SLC2A5: variants seen among roughly 807,000 people sequenced by gnomAD.
SLC2A5 encodes the protein solute carrier family 2, facilitated glucose transporter member 5.
Under a neutral mutation model 50.3 loss-of-function variants are expected in SLC2A5, and 56 were observed. That is an observed-to-expected ratio of 1.11 (90% CI 0.90 to 1.39). The LOEUF (loss-of-function observed/expected upper bound fraction) is 1.39. SLC2A5 is among the 40% of genes most tolerant of loss of function. The pLI is 0.00. For synonymous variants in SLC2A5, 269 were observed against 281.9 expected (o/e 0.95, Z 0.46); for missense variants, 566 against 650.1 (o/e 0.87, Z 1.41).
At chr1:9,087,042 C>T (rs12750121) in intron 1 of SLC2A5, among the ~76,000 whole-genome samples, 33,486 of 151,954 alleles carry the variant, frequency 0.22, 4,529 homozygotes, top group East Asian at 0.45. Flanking sequence ...AGAAACATTC[C>T]GAATCTATGA....
At chr1:9,089,089 C>T (rs577858687), upstream of SLC2A5, among the ~76,000 whole-genome samples, 4 of 152,302 alleles carry the variant, frequency 2.6e-5, no homozygotes, top group East Asian at 1.9e-4. Context: ...CTGAAACACA[C>T]GCAGATAAAC....
upstream of SLC2A5, among the ~76,000 whole-genome samples, chr1:9,090,534 G>C (rs1363333463): frequency 1.3e-5 from 2 of 152,124 alleles, no homozygotes; most frequent in Non-Finnish European, 2.9e-5. Context: ...ACTGGATCAG[G>C]ATTTGCGACA....
In SLC2A5 at chr1:9,038,063, G is replaced by A. The variant is rs192033698; in HGVS notation, c.1175-39C>T. Reference sequence around the variant, plus strand: ...AGAGCAGCCTCCCTGAAGGCAGAGCGGGCCCGAGCATCCCAGGCCTGGCCA... The same window carrying A: ...AGAGCAGCCTCCCTGAAGGCAGAGCAGGCCCGAGCATCCCAGGCCTGGCCA... On this transcript the variant is annotated intron_variant, in intron 10 of 11. Transcript: ENST00000377424. The A allele has an allele frequency of 1.4e-3, 2,303 of 1,608,112 alleles. 3 individuals carry two copies. Among genetic ancestry groups the A allele is most frequent in the Middle Eastern group, 9.1e-3 (51 of 5,600 alleles).
chr1:9,078,335 AT>A (rs1294334977), intron 2 of SLC2A5, among the ~76,000 whole-genome samples: 2 of 151,926 alleles, frequency 1.3e-5, no homozygotes, highest in African/African-American at 4.8e-5. Context: ...CTGACTTCTT[AT>A]TTCATCCTGT....
chr1:9,049,494 C>T (rs1016550230), intron 3 of SLC2A5, among the ~76,000 whole-genome samples: 2 of 151,506 alleles, frequency 1.3e-5, no homozygotes. Context: ...GAGGCCAAGG[C>T]GGGCGGCATC....
chr1:9,039,830 C>T lies in SLC2A5; in HGVS notation c.855G>A (p.Met285Ile), dbSNP rs1422187331. 6.2e-7 allele frequency: 1 copy of T among 1,605,844 alleles called. No homozygotes were observed. Among genetic ancestry groups the T allele is most frequent in the African/African-American group, 1.3e-5 (1 of 74,678 alleles). ...RWQLLSIIVL[M>I]GGQQLSGVNA... The stretch of plus-strand genomic sequence containing the variant: ...TGACGCCCGACAGCTGCTGGCCGCC[C>T]ATGAGGACGATGATGGACAGCAGCT... The change falls in exon 7 of 12, where the codon ATG becomes ATA. Residue 285 changes from methionine to isoleucine, a missense_variant. Met to Ile is a conservative substitution (Grantham distance 10, BLOSUM62 1). Coordinates refer to ENST00000377424, the MANE Select transcript of SLC2A5 (RefSeq NM_003039.3).
chr1:9,092,850 T>G (rs1456651893), upstream of SLC2A5, among the ~76,000 whole-genome samples: 1 of 152,144 alleles, frequency 6.6e-6, no homozygotes, highest in Non-Finnish European at 1.5e-5. Context: ...CAGGAAAGGT[T>G]GAGAAAATGA....
chr1:9,048,787 C>T (rs909345338), intron 3 of SLC2A5, among the ~76,000 whole-genome samples: 5 of 151,914 alleles, frequency 3.3e-5, no homozygotes, highest in Non-Finnish European at 7.4e-5. Context: ...TTCCAAGTAG[C>T]TAGGATTACA....
At position 9,037,445 on chromosome 1, in the gene SLC2A5, G is replaced by A. The variant is rs1641160214; in HGVS notation, c.*141C>T. On this transcript the variant is annotated 3_prime_UTR_variant, in exon 12 of 12. Transcript: ENST00000377424. ...CAGCCCTTTGCACAGTTCCCACTGG[G>A]GTGGGGAGGCTGGAGATGAGGACTG... 2.8e-6 allele frequency: 2 copies of A among 711,472 alleles called. No individual in the cohort carries two copies. The highest frequency in any genetic ancestry group is 4.8e-6 in the Non-Finnish European group (2 of 414,598). 44.1% of individuals were successfully genotyped at this position (711,472 alleles called of 1,614,324 possible). A position where few individuals can be genotyped will look rare whatever the true frequency, so the allele number is the denominator to read the frequency against.
At chr1:9,049,078 T>C (rs747557095) in intron 3 of SLC2A5, 10 of 452,792 alleles carry the variant, frequency 2.2e-5, no homozygotes, top group East Asian at 7.0e-5. Flanking sequence ...AGCCTTCCCA[T>C]TGAAGTCAGG....
intron 1 of SLC2A5, among the ~76,000 whole-genome samples, chr1:9,061,882 G>A (rs1641954047): frequency 1.3e-5 from 2 of 152,148 alleles, no homozygotes; most frequent in Admixed American, 6.6e-5. Flanking sequence ...CGCTTTGATG[G>A]GATCCCAGCA....
rs141583122 is a variant in SLC2A5, at chr1:9,063,497, C to T, written c.34-5247G>A. The stretch of plus-strand genomic sequence containing the variant: ...AAGCAATTCTCCTGCCTCAGCCTCC[C>T]GGATAGCTGGGATTACAGGTGCATG... On this transcript the variant is annotated intron_variant, in intron 1 of 11. Transcript: ENST00000377424. Among the ~76,000 whole-genome samples, 442 of 151,874 alleles carry T rather than the reference C, an allele frequency of 2.9e-3. 3 individuals are homozygous for T. The highest frequency in any genetic ancestry group is 0.01 in the African/African-American group (429 of 41,406).
At chr1:9,081,276 AAAAC>A (rs1642348269) in intron 2 of SLC2A5, among the ~76,000 whole-genome samples, 1 of 141,356 alleles carries the variant, frequency 7.1e-6, no homozygotes, top group African/African-American at 2.9e-5. Context: ...AAAAAAAAAA[AAAAC>A]CCCAAAAAAA....
rs976018638 is a variant in SLC2A5 at position 9,036,343 on chromosome 1, A to G, written c.*1243T>C. On this transcript the variant is annotated 3_prime_UTR_variant, in exon 12 of 12. Transcript: ENST00000377424. ...GGCGTGTCACCATGCCCAATTAAAA[A>G]AATTTTTTTTGAGATGGGATCTCAC... 6.6e-6 allele frequency: 1 copy of G among 152,108 alleles called. No homozygotes were observed. Among genetic ancestry groups the G allele is most frequent in the Non-Finnish European group, 1.5e-5 (1 of 68,042 alleles). The allele number at this position is 152,108 out of a possible 1,614,324, so 9.4% of individuals were successfully genotyped here.
upstream of SLC2A5, chr1:9,071,677 T>C (rs1184656878): frequency 2.0e-5 from 3 of 152,184 alleles, no homozygotes; most frequent in Admixed American, 6.5e-5. Flanking sequence ...CAGTACCCGG[T>C]TCCTGCCAGT....
intron 3 of SLC2A5, among the ~76,000 whole-genome samples, chr1:9,053,769 G>T (rs1641686563): frequency 6.7e-6 from 1 of 149,876 alleles, no homozygotes; most frequent in Admixed American, 6.8e-5. Context: ...AGCTATTTGG[G>T]AGGCTGAGGC....
In SLC2A5 at chr1:9,035,228, C is replaced by G. The variant is rs969038035; in HGVS notation, c.*2358G>C. 7.2e-5 allele frequency: 11 copies of G among 152,170 alleles called. No individual in the cohort carries two copies. Among genetic ancestry groups the G allele is most frequent in the African/African-American group, 2.4e-4 (10 of 41,436 alleles). The allele number at this position is 152,170 out of a possible 1,614,324, so 9.4% of individuals were successfully genotyped here. ...AGTTGCACAACTAATGTGGCAGGACCAAGGTTTGAACCCAGGGAGCAGACA... is the reference window on the plus strand; with the variant it reads ...AGTTGCACAACTAATGTGGCAGGACGAAGGTTTGAACCCAGGGAGCAGACA... On this transcript the variant is annotated 3_prime_UTR_variant, in exon 12 of 12. Transcript: ENST00000377424.
intron 1 of SLC2A5, among the ~76,000 whole-genome samples, chr1:9,061,063 C>T (rs1641930030): frequency 1.3e-5 from 2 of 151,818 alleles, no homozygotes; most frequent in Admixed American, 1.3e-4. Flanking sequence ...GATGGGTAGA[C>T]TGCTTGAGCC....
chr1:9,082,859 T>C (rs1239845388), intron 2 of SLC2A5: 2 of 353,472 alleles, frequency 5.7e-6, no homozygotes, highest in Admixed American at 3.8e-5. Flanking sequence ...TCGATGATCA[T>C]GTATGGTACT....
Sources: allele counts gnomAD v4.1 joint callset (sites outside exome capture counted in the v4.1 genomes callset), GRCh38; gene constraint gnomAD v4.1.1; transcripts MANE v1.5; gene names NCBI Gene and HGNC (gene_info 2026-07-23, HGNC 2026-07-21).